PRKN: variants seen among roughly 807,000 people sequenced by gnomAD.
PRKN encodes parkin RBR E3 ubiquitin protein ligase.
Under a neutral mutation model 59.5 loss-of-function variants are expected in PRKN, and 56 were observed. The ratio of observed to expected loss-of-function variants is 0.94; its 90% CI spans 0.76 to 1.18. The LOEUF is 1.18. Ranked by LOEUF, PRKN falls within the 50% of genes most tolerant of loss-of-function variation. PRKN has a pLI of 0.00. For synonymous variants in PRKN, 250 were observed against 222.1 expected, an observed-to-expected ratio of 1.13 and a Z score of -1.12; for missense variants, 657 against 596.4, an observed-to-expected ratio of 1.10 and a Z score of -1.06.
chr6:161,883,806 C>T (rs767285870), intron 6 of PRKN, among the ~76,000 whole-genome samples: 1 of 151,978 alleles, frequency 6.6e-6, no homozygotes, highest in Non-Finnish European at 1.5e-5. Flanking sequence ...CCGCGCGCCA[C>T]CACGCCCAGC....
At chr6:162,005,438 T>A (rs1782211804) in intron 5 of PRKN, among the ~76,000 whole-genome samples, 1 of 152,176 alleles carries the variant, frequency 6.6e-6, no homozygotes, top group South Asian at 2.1e-4. Context: ...TCACTTTGAT[T>A]AAGCAGGAGA....
At chr6:162,261,192 C>T (rs1308913840) in intron 3 of PRKN, among the ~76,000 whole-genome samples, 4 of 152,102 alleles carry the variant, frequency 2.6e-5, no homozygotes, top group Non-Finnish European at 4.4e-5. Flanking sequence ...CCTCCTCATC[C>T]TAGTAAGGAG....
At chr6:161,774,278 T>C (rs927112423) in intron 7 of PRKN, among the ~76,000 whole-genome samples, 11 of 151,996 alleles carry the variant, frequency 7.2e-5, no homozygotes, top group Non-Finnish European at 1.5e-4. Context: ...TTCGCCCTCC[T>C]CTCCACCAGC....
chr6:162,704,747 T>C (rs924931821), intron 1 of PRKN, among the ~76,000 whole-genome samples: 2 of 152,306 alleles, frequency 1.3e-5, no homozygotes, highest in South Asian at 4.1e-4. Context: ...TAAGGAATAC[T>C]GAATGAGTTA....
At chr6:162,233,426 T>A (rs1778509127) in intron 3 of PRKN, among the ~76,000 whole-genome samples, 1 of 152,176 alleles carries the variant, frequency 6.6e-6, no homozygotes, top group African/African-American at 2.4e-5. Flanking sequence ...ACATACAAGA[T>A]GTTCACTGAT....
At chr6:161,636,038 T>A (rs922386076) in intron 7 of PRKN, among the ~76,000 whole-genome samples, 1 of 152,108 alleles carries the variant, frequency 6.6e-6, no homozygotes, top group Non-Finnish European at 1.5e-5. Flanking sequence ...GTCCTCTCCA[T>A]CCTGGTGCCC....
At chr6:162,284,215 C>CTTTTTTTCTTTTTTT (rs1781065805) in intron 2 of PRKN, among the ~76,000 whole-genome samples, 1 of 75,678 alleles carries the variant, frequency 1.3e-5, no homozygotes, top group Non-Finnish European at 2.5e-5. Flanking sequence ...TTATTTCTTT[C>CTTTTTTTCTTTTTTT]TTTTTTTTTT....
chr6:162,330,848 C>A lies in PRKN; in HGVS notation c.172-68083G>T, dbSNP rs147270592. 1.9e-4 allele frequency among the ~76,000 whole-genome samples: 29 copies of A among 152,284 alleles called. 2 individuals are homozygous for A. The East Asian group carries it at 5.6e-3, about 29-fold the overall frequency. On this transcript the variant is annotated intron_variant, in intron 2 of 11. Coordinates refer to ENST00000366898, the MANE Select transcript of PRKN (RefSeq NM_004562.3). The stretch of plus-strand genomic sequence containing the variant: ...AAGCAAGGGTGTTGATCCCACTTGA[C>A]ACATCAGGAACTCGTGTTGTGGAGG...
intron 2 of PRKN, among the ~76,000 whole-genome samples, chr6:162,389,025 C>A (rs57057480): frequency 0.17 from 19,335 of 112,508 alleles, 1,689 homozygotes; most frequent in East Asian, 0.51. Flanking sequence ...AAAAAAAAAA[C>A]AAAAAAACCT....
chr6:161,559,049 TAA>T (rs3032921), intron 8 of PRKN, among the ~76,000 whole-genome samples: 5 of 117,248 alleles, frequency 4.3e-5, no homozygotes, highest in Admixed American at 9.1e-5. Context: ...AAACAAGACC[TAA>T]AAAAAAAAAA....
At position 162,031,128 on chromosome 6, in the gene PRKN, A is replaced by C. The variant is rs76910425; in HGVS notation, c.618+22963T>G. ...ATGGAAAATAAACAATGCAGCTGAG[A>C]TGTCCAGCTCGGATGTCCTCCAAGG... On this transcript the variant is annotated intron_variant, in intron 5 of 11. Transcript: ENST00000366898. Among the ~76,000 whole-genome samples, 919 of 152,264 alleles carry C rather than the reference A, an allele frequency of 6.0e-3. 8 individuals are homozygous for C. The highest frequency in any genetic ancestry group is 0.021 in the African/African-American group (862 of 41,546).
At chr6:162,169,127 C>A (rs1783136580) in intron 4 of PRKN, among the ~76,000 whole-genome samples, 1 of 152,154 alleles carries the variant, frequency 6.6e-6, no homozygotes, top group Non-Finnish European at 1.5e-5. Context: ...GAAGATGATG[C>A]TCTGTGATAA....
At position 161,545,465 on chromosome 6, in the gene PRKN, T is replaced by A. The variant is rs766171244; in HGVS notation, c.1083+3389A>T. On this transcript the variant is annotated intron_variant, in intron 9 of 11. Coordinates refer to ENST00000366898, the MANE Select transcript of PRKN (RefSeq NM_004562.3). The surrounding 1 kb of genome is among the most constrained non-coding windows in gnomAD (Gnocchi z 4.1). ...GTGAGAGCAAAGAGTAAAAAGAGAT[T>A]CACCTTCTTCTAACTTTTATGTATT... 6.7e-7 allele frequency: 1 copy of A among 1,490,782 alleles called. No homozygotes were observed. The highest frequency in any genetic ancestry group is 2.3e-5 in the East Asian group (1 of 44,292). The allele number at this position is 1,490,782 out of a possible 1,614,324, so 92.3% of individuals were successfully genotyped here. A position where few individuals can be genotyped will look rare whatever the true frequency, so the allele number is the denominator to read the frequency against.
intron 6 of PRKN, among the ~76,000 whole-genome samples, chr6:161,832,967 C>G (rs1792572774): frequency 6.6e-6 from 1 of 152,064 alleles, no homozygotes; most frequent in Non-Finnish European, 1.5e-5. Flanking sequence ...CATCCCCGGC[C>G]GATTGAGGAG....
intron 2 of PRKN, among the ~76,000 whole-genome samples, chr6:162,344,823 C>G (rs1259012334): frequency 1.3e-5 from 2 of 152,174 alleles, no homozygotes; most frequent in Admixed American, 6.5e-5. Context: ...AGTTCACACA[C>G]AAGCAGGAAA....
chr6:162,399,363 A>G (rs1787644336), intron 2 of PRKN, among the ~76,000 whole-genome samples: 1 of 152,152 alleles, frequency 6.6e-6, no homozygotes, highest in Non-Finnish European at 1.5e-5. Flanking sequence ...ATTAATAATC[A>G]CACAGCAAGG....
rs540269595 is a variant in PRKN at position 162,597,675 on chromosome 6, T to G, written c.7+129987A>C. ...TCTTGATTCTTACTCCCAACAGACA[T>G]AGATTGAACTTTTATCATATACAAT... On this transcript the variant is annotated intron_variant, in intron 1 of 11. Transcript: ENST00000366898. 2.6e-5 allele frequency among the ~76,000 whole-genome samples: 4 copies of G among 152,290 alleles called. No individual in the cohort carries two copies. The East Asian group carries it at 7.7e-4, about 29-fold the overall frequency.
chr6:161,868,664 C>G (rs1794221059), intron 6 of PRKN, among the ~76,000 whole-genome samples: 1 of 152,144 alleles, frequency 6.6e-6, no homozygotes, highest in African/African-American at 2.4e-5. Context: ...TGGAGAAGCA[C>G]AATCTTTAGG....
At chr6:162,313,759 T>A (rs543502737) in intron 2 of PRKN, among the ~76,000 whole-genome samples, 73 of 152,252 alleles carry the variant, frequency 4.8e-4, no homozygotes, top group Middle Eastern at 3.4e-3. Flanking sequence ...AATGCTGGGA[T>A]TACAGGCGTG....
Sources: gnomAD v4.1 joint callset for allele counts (sites outside exome capture counted in the v4.1 genomes callset) on GRCh38, gnomAD v4.1.1 for gene constraint, Gnocchi (gnomAD v3.1) non-coding constraint, MANE v1.5 for transcripts, NCBI Gene and HGNC (gene_info 2026-07-23, HGNC 2026-07-21) for gene names.